The following UNC79 variants were observed in gnomAD, a reference collection of about 807,000 sequenced individuals.
UNC79 encodes protein unc-79 homolog.
Under a neutral mutation model 283.1 loss-of-function variants are expected in UNC79, and 37 were observed. That is an observed-to-expected ratio of 0.13 (90% CI 0.10 to 0.17). UNC79 has a LOEUF of 0.17. Among genes scored for constraint, UNC79 ranks in the 10% least tolerant of loss-of-function variants. UNC79 has a pLI of 1.00. For missense variants in UNC79, 2,272 were observed against 3,211.1 expected (o/e 0.71, Z 7.07); for synonymous variants, 1,107 against 1,200.2 (o/e 0.92, Z 1.61).
intron 46 of UNC79, among the ~76,000 whole-genome samples, chr14:93,693,892 T>G (rs2074894640): frequency 6.6e-6 from 1 of 152,224 alleles, no homozygotes; most frequent in Admixed American, 6.5e-5. Flanking sequence ...AATATTATTT[T>G]AAATCATTAT....
rs754311388 is a variant in UNC79 at position 93,542,444 on chromosome 14, G to T, written c.1525-22G>T. ...TAAAGATGGATGGAAGCCGAACAAG[G>T]TTCTAATCTACCTACTTCTAGGTGA... is the stretch of plus-strand genomic sequence containing the variant. On this transcript the variant is annotated intron_variant, in intron 13 of 48. Transcript: ENST00000555664. 2.5e-6 allele frequency: 4 copies of T among 1,602,902 alleles called. No homozygotes were observed. In the African/African-American group the frequency reaches 4.0e-5, roughly 16 times the overall value.
chr14:93,422,162 A>T (rs2055614640), intron 1 of UNC79, among the ~76,000 whole-genome samples: 1 of 151,850 alleles, frequency 6.6e-6, no homozygotes, highest in African/African-American at 2.4e-5. Flanking sequence ...GACATAATAC[A>T]TCAGTAAACA....
intron 1 of UNC79, among the ~76,000 whole-genome samples, chr14:93,339,439 A>G (rs1051541846): frequency 4.6e-5 from 7 of 152,226 alleles, no homozygotes; most frequent in African/African-American, 1.4e-4. Context: ...AGCTGGGACT[A>G]CAGGTGCCTG....
At chr14:93,532,969 T>C (rs2060899677) in intron 11 of UNC79, among the ~76,000 whole-genome samples, 1 of 152,204 alleles carries the variant, frequency 6.6e-6, no homozygotes, top group African/African-American at 2.4e-5. Context: ...GTCCAATTTG[T>C]ATGTGTGAAA....
chr14:93,381,750 G>T (rs747510093), intron 1 of UNC79, among the ~76,000 whole-genome samples: 8 of 152,208 alleles, frequency 5.3e-5, no homozygotes, highest in Non-Finnish European at 7.3e-5. Flanking sequence ...GGAACTGCTG[G>T]TGTATGAACT....
chr14:93,638,284 A>G (rs949238043), intron 32 of UNC79, among the ~76,000 whole-genome samples: 2 of 152,192 alleles, frequency 1.3e-5, no homozygotes, highest in African/African-American at 4.8e-5. Context: ...TTCTTTGGCA[A>G]TGAATAGCAG....
At chr14:93,427,725 G>A (rs1303732936), upstream of UNC79, among the ~76,000 whole-genome samples, 3 of 151,334 alleles carry the variant, frequency 2.0e-5, no homozygotes. Flanking sequence ...GACATACATA[G>A]GCACTCAATA....
chr14:93,485,112 T>A (rs74074615), intron 4 of UNC79, among the ~76,000 whole-genome samples: 2,134 of 151,852 alleles, frequency 0.014, 55 homozygotes, highest in African/African-American at 0.049. Flanking sequence ...TATTATTAAA[T>A]GCATATTATT....
chr14:93,420,096 G>A (rs1296359007), intron 1 of UNC79, among the ~76,000 whole-genome samples: 3 of 150,268 alleles, frequency 2.0e-5, no homozygotes, highest in Non-Finnish European at 4.4e-5. Flanking sequence ...AATGGTAGGA[G>A]TAAGTCCTTA....
rs2073043579 is a variant in UNC79 at position 93,673,240 on chromosome 14, A to G, written c.6637-111A>G. 17 of 893,482 alleles carry G rather than the reference A, an allele frequency of 1.9e-5. No homozygotes were observed. In the South Asian group the frequency reaches 2.9e-4, roughly 15 times the overall value. 55.3% of individuals were successfully genotyped at this position (893,482 alleles called of 1,614,324 possible). On this transcript the variant is annotated intron_variant, in intron 40 of 48. Coordinates refer to ENST00000555664, the Ensembl canonical transcript of UNC79. Reference sequence around the variant, plus strand: ...GAGGACACTTCACTATGCATTTTTGAATACTGTTTTTTATTTCTGACCCGT... The same window carrying G: ...GAGGACACTTCACTATGCATTTTTGGATACTGTTTTTTATTTCTGACCCGT...
intron 19 of UNC79, among the ~76,000 whole-genome samples, chr14:93,581,651 G>A (rs1249478693): frequency 1.3e-5 from 2 of 151,730 alleles, no homozygotes; most frequent in East Asian, 1.9e-4. Flanking sequence ...GTGCCACCAC[G>A]CCCAGCTAAT....
chr14:93,661,655 G>T (rs1377759832), intron 39 of UNC79, among the ~76,000 whole-genome samples: 1 of 152,206 alleles, frequency 6.6e-6, no homozygotes, highest in African/African-American at 2.4e-5. Flanking sequence ...AGCAGGAATG[G>T]ATACTAAAGC....
At position 93,468,485 on chromosome 14, in the gene UNC79, G is replaced by A. The variant is rs186104699; in HGVS notation, c.143+694G>A. 1.1e-3 allele frequency among the ~76,000 whole-genome samples: 169 copies of A among 152,330 alleles called. 2 individuals carry two copies. In the Middle Eastern group the frequency reaches 0.014, roughly 12 times the overall value. ...CCTCTCACGTTCCATTAAATTCCAA[G>A]ATGTGGTTTCTCCATTACCACGGTC... On this transcript the variant is annotated intron_variant, in intron 2 of 48. Coordinates refer to ENST00000555664, the Ensembl canonical transcript of UNC79.
intron 45 of UNC79, 21 bp from the exon 49 acceptor site, chr14:93,691,728 T>C: frequency 6.2e-7 from 1 of 1,612,700 alleles, no homozygotes; most frequent in Non-Finnish European, 8.5e-7. Context: ...AATGCACTGA[T>C]GCCGTCTTCT....
At chr14:93,597,409 A>G in exon 24 of UNC79, 2 of 1,614,096 alleles carry the variant, frequency 1.2e-6, no homozygotes, top group Non-Finnish European at 1.7e-6. Context: ...CTCAGTAACC[A>G]AAAACCACCT....
chr14:93,617,049 T>A lies in UNC79; in HGVS notation c.4042-73T>A. ...TAAAAATTTTAACCACTGGGATGGCTCAAATTTTTCCTTTTGACCTCTGAG... is the reference window on the plus strand; with the variant it reads ...TAAAAATTTTAACCACTGGGATGGCACAAATTTTTCCTTTTGACCTCTGAG... On this transcript the variant is annotated intron_variant, in intron 27 of 48. Transcript: ENST00000555664. This position sits in a 1 kb window ranked among gnomAD's most constrained non-coding sequence, Gnocchi z 4.5. 1 of 1,422,558 alleles carries A rather than the reference T, an allele frequency of 7.0e-7. No individual in the cohort carries two copies. The highest frequency in any genetic ancestry group is 2.3e-5 in the East Asian group (1 of 42,672). 88.1% of individuals were successfully genotyped at this position (1,422,558 alleles called of 1,614,324 possible). A position where few individuals can be genotyped will look rare whatever the true frequency, so the allele number is the denominator to read the frequency against.
At chr14:93,434,309 C>T (rs1288456452) in intron 1 of UNC79, among the ~76,000 whole-genome samples, 1 of 152,094 alleles carries the variant, frequency 6.6e-6, no homozygotes, top group Non-Finnish European at 1.5e-5. Context: ...GTGCTATCTG[C>T]AGAGCCTCAA....
intron 8 of UNC79, among the ~76,000 whole-genome samples, chr14:93,527,069 A>G (rs2060580714): frequency 6.6e-6 from 1 of 152,252 alleles, no homozygotes; most frequent in Non-Finnish European, 1.5e-5. Context: ...AAAAGCCAAG[A>G]GTTGTAATAG....
At chr14:93,452,058 C>T (rs896570722) in intron 1 of UNC79, among the ~76,000 whole-genome samples, 8 of 152,190 alleles carry the variant, frequency 5.3e-5, no homozygotes, top group African/African-American at 7.2e-5. Flanking sequence ...TACTTTTCCA[C>T]GCCTAGCATC....
Sources: gnomAD v4.1 joint callset for allele counts (sites outside exome capture counted in the v4.1 genomes callset) on GRCh38, gnomAD v4.1.1 for gene constraint, Gnocchi (gnomAD v3.1) non-coding constraint, MANE v1.5 for transcripts, NCBI Gene and HGNC (gene_info 2026-07-23, HGNC 2026-07-21) for gene names.